PKP4: variants seen among roughly 807,000 people sequenced by gnomAD.
PKP4 encodes the protein plakophilin 4, also known as plakophilin-4.
PKP4 carries 90 observed loss-of-function variants against 145.1 expected under a neutral mutation model. The observed-to-expected ratio is 0.62, with a 90% CI of 0.52 to 0.74. The LOEUF (loss-of-function observed/expected upper bound fraction) is 0.74. Ranked by LOEUF, PKP4 falls within the 30% of genes least tolerant of loss-of-function variation. PKP4 has a pLI of 0.00. For synonymous variants in PKP4, 563 were observed against 577.2 expected, an observed-to-expected ratio of 0.98 and a Z score of 0.35; for missense variants, 1,340 against 1,482.7, an observed-to-expected ratio of 0.90 and a Z score of 1.58.
chr2:158,575,153 A>C (rs1574564476), intron 2 of PKP4, among the ~76,000 whole-genome samples: 1 of 152,244 alleles, frequency 6.6e-6, no homozygotes, highest in African/African-American at 2.4e-5. Context: ...AACTATTGTT[A>C]TAGCCACCAA....
Position 158,625,438 on chromosome 2 carries a change from G to A in PKP4, c.1153+11G>A. 6.3e-7 allele frequency: 1 copy of A among 1,593,210 alleles called. No individual in the cohort carries two copies. The highest frequency in any genetic ancestry group is 8.6e-7 in the Non-Finnish European group (1 of 1,165,160). ...CAGACAGCCTGACAGGTGCGTACAA[G>A]GTGACAGTGCTACATAAAACCCAGT... is the stretch of plus-strand genomic sequence containing the variant. On this transcript the variant is annotated intron_variant, in intron 7 of 21. Transcript: ENST00000389759.
chr2:158,642,656 G>A lies in PKP4; in HGVS notation c.1866G>A (p.Leu622=), dbSNP rs1409542955. The A allele has an allele frequency of 5.6e-6, 9 of 1,610,976 alleles. No homozygotes were observed. The highest frequency in any genetic ancestry group is 1.1e-5 in the South Asian group (1 of 90,710). ...GTGGGATACCTGCCTTGTTGCGACT[G>A]TTGAGAAAATCTATTGATGCAGAAG... The part of the protein sequence containing the change: ...NVGGIPALLR[L]LRKSIDAEVR... The change falls in exon 11 of 22, where the codon CTG becomes CTA. Residue 622 remains leucine (L), a synonymous_variant. Transcript: ENST00000389759.
At chr2:158,479,785 T>C in intron 1 of PKP4, among the ~76,000 whole-genome samples, 1 of 152,250 alleles carries the variant, frequency 6.6e-6, no homozygotes, top group East Asian at 1.9e-4. Flanking sequence ...TCTGGTTTAC[T>C]GTATGACCCA....
At chr2:158,490,639 A>G (rs1013640640) in intron 1 of PKP4, among the ~76,000 whole-genome samples, 4 of 152,220 alleles carry the variant, frequency 2.6e-5, no homozygotes, top group African/African-American at 7.2e-5. Context: ...ATTCCTCAGG[A>G]GTCAATGTGG....
chr2:158,587,105 A>C (rs1260642173), intron 3 of PKP4, among the ~76,000 whole-genome samples: 1 of 152,208 alleles, frequency 6.6e-6, no homozygotes, highest in Non-Finnish European at 1.5e-5. Flanking sequence ...TAAATGGATA[A>C]TGCAGTTAGG....
intron 4 of PKP4, among the ~76,000 whole-genome samples, chr2:158,611,231 C>G (rs1161467941): frequency 6.6e-6 from 1 of 152,174 alleles, no homozygotes; most frequent in East Asian, 1.9e-4. Flanking sequence ...GATTCTATAA[C>G]TTCACAGTGC....
At chr2:158,525,904 G>A (rs1214646187) in intron 1 of PKP4, among the ~76,000 whole-genome samples, 7 of 150,920 alleles carry the variant, frequency 4.6e-5, no homozygotes, top group South Asian at 4.2e-4. Context: ...TAAATTCCTC[G>A]ACACGTACAC....
intron 19 of PKP4, among the ~76,000 whole-genome samples, chr2:158,674,954 A>AT (rs1234105426): frequency 6.6e-6 from 1 of 151,984 alleles, no homozygotes; most frequent in Non-Finnish European, 1.5e-5. Flanking sequence ...TTGAACTAGA[A>AT]TTTTTTTTAA....
chr2:158,652,889 GGTTCC>G (rs2055525242), intron 11 of PKP4, among the ~76,000 whole-genome samples: 2 of 152,152 alleles, frequency 1.3e-5, no homozygotes, highest in Admixed American at 1.3e-4. Context: ...TCTCCTTGAT[GGTTCC>G]TCACACCCTG....
chr2:158,506,927 T>G (rs1472821792), intron 1 of PKP4, among the ~76,000 whole-genome samples: 1 of 152,214 alleles, frequency 6.6e-6, no homozygotes, highest in Non-Finnish European at 1.5e-5. Flanking sequence ...TTATTCATGG[T>G]TGCACTCACT....
At chr2:158,504,154 A>G (rs1696987303) in intron 1 of PKP4, among the ~76,000 whole-genome samples, 1 of 152,146 alleles carries the variant, frequency 6.6e-6, no homozygotes, top group Non-Finnish European at 1.5e-5. Context: ...TGTGACTTGT[A>G]TTACTTGATA....
chr2:158,579,444 TAA>T (rs57964242), intron 3 of PKP4, among the ~76,000 whole-genome samples: 69 of 136,668 alleles, frequency 5.0e-4, no homozygotes, highest in Non-Finnish European at 5.4e-4. Flanking sequence ...TCTGATTTTG[TAA>T]AAAAAAAAAA....
chr2:158,537,239 A>T (rs975039420), intron 2 of PKP4, among the ~76,000 whole-genome samples: 1 of 152,212 alleles, frequency 6.6e-6, no homozygotes, highest in Non-Finnish European at 1.5e-5. Flanking sequence ...TTGATAAAGG[A>T]TTTAAATTCA....
chr2:158,505,819 G>A (rs2040924224), intron 1 of PKP4, among the ~76,000 whole-genome samples: 1 of 152,038 alleles, frequency 6.6e-6, no homozygotes, highest in Non-Finnish European at 1.5e-5. Flanking sequence ...GTTGCAGGGA[G>A]GGATAGAGTG....
chr2:158,459,639 A>G (rs1300093821), intron 1 of PKP4, among the ~76,000 whole-genome samples: 3 of 152,192 alleles, frequency 2.0e-5, no homozygotes, highest in African/African-American at 7.2e-5. Context: ...GCCAACAGGA[A>G]ACTTTTATTA....
intron 1 of PKP4, among the ~76,000 whole-genome samples, chr2:158,528,672 A>AG (rs1477800159): frequency 2.7e-5 from 4 of 146,986 alleles, no homozygotes; most frequent in Non-Finnish European, 6.0e-5. Context: ...ACTAAATGAA[A>AG]AAAAAAAAAA....
At chr2:158,480,187 A>G (rs1385012666) in intron 1 of PKP4, among the ~76,000 whole-genome samples, 1 of 152,194 alleles carries the variant, frequency 6.6e-6, no homozygotes, top group Non-Finnish European at 1.5e-5. Flanking sequence ...AATTTTAAGT[A>G]TCTAGCAACT....
intron 2 of PKP4, chr2:158,533,544 A>T: frequency 1.6e-6 from 1 of 617,848 alleles, no homozygotes; most frequent in Non-Finnish European, 3.1e-6. Flanking sequence ...AGTAAGGACA[A>T]TCTCGATGGT....
At chr2:158,543,012 T>G (rs1185894582) in intron 2 of PKP4, among the ~76,000 whole-genome samples, 1 of 152,152 alleles carries the variant, frequency 6.6e-6, no homozygotes, top group East Asian at 1.9e-4. Context: ...TATCACAAAT[T>G]TTGGGGTTAA....
Sources: allele counts gnomAD v4.1 joint callset (sites outside exome capture counted in the v4.1 genomes callset), GRCh38; gene constraint gnomAD v4.1.1; transcripts MANE v1.5; gene names NCBI Gene and HGNC (gene_info 2026-07-23, HGNC 2026-07-21).